The following SORCS2 variants were observed in gnomAD, a reference collection of about 807,000 sequenced individuals.
The protein encoded by SORCS2 is VPS10 domain-containing receptor SorCS2.
SORCS2 carries 100 observed loss-of-function variants against 141.6 expected under a neutral mutation model. That is an observed-to-expected ratio of 0.71 (90% CI 0.60 to 0.83). SORCS2 has a LOEUF of 0.83. Among genes scored for constraint, SORCS2 ranks in the 40% least tolerant of loss-of-function variants. The pLI, the probability that SORCS2 is intolerant of heterozygous loss-of-function variation, is 0.00. For missense variants in SORCS2, 1,646 were observed against 1,560.2 expected, an observed-to-expected ratio of 1.05 and a Z score of -0.93; for synonymous variants, 789 against 676.9, an observed-to-expected ratio of 1.17 and a Z score of -2.57.
At chr4:7,580,253 G>C (rs1430241436) in intron 3 of SORCS2, among the ~76,000 whole-genome samples, 1 of 152,160 alleles carries the variant, frequency 6.6e-6, no homozygotes, top group Non-Finnish European at 1.5e-5. Flanking sequence ...AGACCAAGGG[G>C]GACAGTTAAC....
At chr4:7,435,892 G>A (rs1298186844) in intron 2 of SORCS2, among the ~76,000 whole-genome samples, 1 of 152,218 alleles carries the variant, frequency 6.6e-6, no homozygotes, top group Admixed American at 6.5e-5. Context: ...GATGGCAGGG[G>A]GCTCCCCTAG....
intron 2 of SORCS2, among the ~76,000 whole-genome samples, chr4:7,455,906 C>T (rs1429549586): frequency 6.6e-6 from 1 of 152,180 alleles, no homozygotes; most frequent in Non-Finnish European, 1.5e-5. Context: ...GCATCAGATG[C>T]TGTGTTAGTC....
At chr4:7,423,257 G>A (rs1285923369) in intron 2 of SORCS2, among the ~76,000 whole-genome samples, 1 of 152,162 alleles carries the variant, frequency 6.6e-6, no homozygotes, top group Non-Finnish European at 1.5e-5. Context: ...TTTTAATGCA[G>A]TTTCCTGTTA....
At chr4:7,356,943 C>G (rs1347046303) in intron 1 of SORCS2, among the ~76,000 whole-genome samples, 3 of 152,364 alleles carry the variant, frequency 2.0e-5, no homozygotes, top group East Asian at 1.9e-4. Flanking sequence ...GTGCTGAGTG[C>G]TTGGCCAGAC....
At chr4:7,367,101 G>T (rs936373898) in intron 1 of SORCS2, among the ~76,000 whole-genome samples, 1 of 152,186 alleles carries the variant, frequency 6.6e-6, no homozygotes, top group East Asian at 1.9e-4. Flanking sequence ...GATCCCCAAA[G>T]GGGAGCCCCG....
At chr4:7,684,701 C>A (rs1305157733) in intron 10 of SORCS2, among the ~76,000 whole-genome samples, 1 of 152,208 alleles carries the variant, frequency 6.6e-6, no homozygotes, top group Admixed American at 6.5e-5. Flanking sequence ...TTGCAATGTG[C>A]CAGGCACTGT....
chr4:7,615,056 C>G (rs1365628266), intron 3 of SORCS2, among the ~76,000 whole-genome samples: 1 of 152,132 alleles, frequency 6.6e-6, no homozygotes, highest in Non-Finnish European at 1.5e-5. Context: ...CACCTATTCA[C>G]CCATCCACCA....
intron 2 of SORCS2, among the ~76,000 whole-genome samples, chr4:7,505,579 C>G (rs952025839): frequency 7.9e-5 from 12 of 152,088 alleles, no homozygotes; most frequent in Admixed American, 3.3e-4. Context: ...GATATTGATG[C>G]CCTCCTCATG....
chr4:7,593,998 G>T (rs1338436047), intron 3 of SORCS2, among the ~76,000 whole-genome samples: 1 of 152,152 alleles, frequency 6.6e-6, no homozygotes, highest in African/African-American at 2.4e-5. Context: ...GCCATTTTTA[G>T]TTAGTTCATT....
intron 4 of SORCS2, among the ~76,000 whole-genome samples, chr4:7,653,630 G>A (rs1721570836): frequency 6.6e-6 from 1 of 152,178 alleles, no homozygotes; most frequent in Non-Finnish European, 1.5e-5. Flanking sequence ...AGGTCCCTGG[G>A]CGATGGCACT....
chr4:7,618,633 C>T (rs944413185), intron 3 of SORCS2, among the ~76,000 whole-genome samples: 5 of 152,190 alleles, frequency 3.3e-5, no homozygotes, highest in African/African-American at 1.2e-4. Context: ...TGCATGCTGC[C>T]ACCCTCCCTA....
At chr4:7,641,807 TGGATGGATGG>T (rs1428510180) in intron 4 of SORCS2, among the ~76,000 whole-genome samples, 6 of 103,624 alleles carry the variant, frequency 5.8e-5, no homozygotes, top group Non-Finnish European at 9.7e-5. Flanking sequence ...GATGGATGGA[TGGATGGATGG>T]GTGGGTGGAT....
chr4:7,324,849 C>T (rs1028404249), intron 1 of SORCS2, among the ~76,000 whole-genome samples: 6 of 152,180 alleles, frequency 3.9e-5, no homozygotes, highest in South Asian at 2.1e-4. Context: ...CCTTTCAAAC[C>T]GAGGGCGGTT....
intron 2 of SORCS2, among the ~76,000 whole-genome samples, chr4:7,463,550 C>T (rs7654086): frequency 0.56 from 84,440 of 152,050 alleles, 24,509 homozygotes; most frequent in African/African-American, 0.69. Context: ...AACAGACCCC[C>T]ATCCTTGGAA....
chr4:7,236,237 G>T (rs1319531600), intron 1 of SORCS2, among the ~76,000 whole-genome samples: 1 of 152,214 alleles, frequency 6.6e-6, no homozygotes, highest in East Asian at 1.9e-4. Context: ...TTTTAGGTAG[G>T]GTGGCCAGAG....
chr4:7,245,268 G>A (rs1019694498), intron 1 of SORCS2, among the ~76,000 whole-genome samples: 5 of 152,130 alleles, frequency 3.3e-5, no homozygotes, highest in African/African-American at 9.7e-5. Context: ...AGCCACAGTG[G>A]TCCACCCCCC....
chr4:7,394,178 G>C (rs575305928), intron 1 of SORCS2, among the ~76,000 whole-genome samples: 4 of 152,254 alleles, frequency 2.6e-5, no homozygotes, highest in African/African-American at 9.6e-5. Context: ...GGTGGTGGTG[G>C]GGAGGTGGGC....
rs1290816063 is a variant in SORCS2, at chr4:7,207,341, C to T, written c.480+14215C>T. Among the ~76,000 whole-genome samples, 7 of 152,256 alleles carry T rather than the reference C, an allele frequency of 4.6e-5. No individual in the cohort carries two copies. In the East Asian group the frequency reaches 1.2e-3, roughly 25 times the overall value. On this transcript the variant is annotated intron_variant, in intron 1 of 26. Transcript: ENST00000507866. ...GCTGCTGGCCCCTCCGAGCCCCTCC[C>T]GCCCACACAGCCTGGGCCGGGAGCC...
chr4:7,639,490 G>C lies in SORCS2; in HGVS notation c.813+998G>C, dbSNP rs1399794698. Among the ~76,000 whole-genome samples the C allele has an allele frequency of 2.0e-5, 3 of 151,176 alleles. No homozygotes were observed. In the Admixed American group the frequency reaches 2.0e-4, roughly 10 times the overall value. ...TGTCAGTGTGAATGGGTGTGAATGT[G>C]TGTGGGGGTGGGTGTGAATGTGTGG... is the stretch of plus-strand genomic sequence containing the variant. On this transcript the variant is annotated intron_variant, in intron 4 of 26. Transcript: ENST00000507866.
Sources: gnomAD v4.1 joint callset for allele counts (sites outside exome capture counted in the v4.1 genomes callset) on GRCh38, gnomAD v4.1.1 for gene constraint, MANE v1.5 for transcripts, NCBI Gene and HGNC (gene_info 2026-07-23, HGNC 2026-07-21) for gene names.